The following ZSWIM5 variants were observed in gnomAD, a reference collection of about 807,000 sequenced individuals.
ZSWIM5 encodes the protein zinc finger SWIM-type containing 5.
In ZSWIM5, 55 loss-of-function variants were observed where a neutral mutation model predicts 119.6. The ratio of observed to expected loss-of-function variants is 0.46; its 90% CI spans 0.37 to 0.58. ZSWIM5 has a LOEUF of 0.58. ZSWIM5 is among the 20% of genes least tolerant of loss of function. ZSWIM5 has a pLI of 0.00. For synonymous variants in ZSWIM5, 537 were observed against 606.9 expected (o/e 0.88, Z 1.69); for missense variants, 1,193 against 1,512.8 (o/e 0.79, Z 3.51).
chr1:45,083,968 G>A (rs141684842), intron 2 of ZSWIM5, among the ~76,000 whole-genome samples: 26 of 152,072 alleles, frequency 1.7e-4, no homozygotes, highest in African/African-American at 5.1e-4. Flanking sequence ...GGAGTGCAGC[G>A]GTGCAATTTT....
At chr1:45,056,179 G>A (rs763846078) in intron 4 of ZSWIM5, among the ~76,000 whole-genome samples, 48 of 152,220 alleles carry the variant, frequency 3.2e-4, no homozygotes, top group African/African-American at 1.1e-3. Flanking sequence ...CAAATGGAAA[G>A]AGTGACCACA....
chr1:45,093,324 A>T (rs1377147112), intron 1 of ZSWIM5, among the ~76,000 whole-genome samples: 1 of 152,250 alleles, frequency 6.6e-6, no homozygotes, highest in Non-Finnish European at 1.5e-5. Flanking sequence ...TGAAACCTCT[A>T]GGTTAATCTA....
At chr1:45,099,594 A>C (rs561301112) in intron 1 of ZSWIM5, among the ~76,000 whole-genome samples, 1 of 152,270 alleles carries the variant, frequency 6.6e-6, no homozygotes, top group Non-Finnish European at 1.5e-5. Context: ...GAGACACACA[A>C]AAAAAGAGAA....
chr1:45,130,739 G>A (rs1300234090), intron 1 of ZSWIM5, among the ~76,000 whole-genome samples: 2 of 152,068 alleles, frequency 1.3e-5, no homozygotes, highest in African/African-American at 4.8e-5. Flanking sequence ...TGCACTCCTG[G>A]GCATTCAGGA....
At chr1:45,129,901 A>ATT (rs988429826) in intron 1 of ZSWIM5, among the ~76,000 whole-genome samples, 1 of 146,678 alleles carries the variant, frequency 6.8e-6, no homozygotes, top group African/African-American at 2.5e-5. Context: ...ATAAAAGGAA[A>ATT]TTTTTTTTTT....
chr1:45,018,583 G>A lies in ZSWIM5; in HGVS notation c.3429C>T (p.Ser1143=). ...RHYGEFIEFL[S]KARETFLLPQ... Reference sequence around the variant, plus strand: ...GCAGCAGGAAGGTCTCCCGAGCCTTGCTTAGAAACTCAATGAACTCTCCAT... The same window carrying A: ...GCAGCAGGAAGGTCTCCCGAGCCTTACTTAGAAACTCAATGAACTCTCCAT... Residue 1143 remains serine (S), a synonymous_variant, in exon 14 of 14, where the codon AGC becomes AGT. Transcript: ENST00000359600. This position sits in a 1 kb window ranked among gnomAD's most constrained non-coding sequence, Gnocchi z 6.7. The A allele has an allele frequency of 6.2e-7, 1 of 1,614,228 alleles. No homozygotes were observed. Among genetic ancestry groups the A allele is most frequent in the Non-Finnish European group, 8.5e-7 (1 of 1,180,034 alleles).
intron 1 of ZSWIM5, among the ~76,000 whole-genome samples, chr1:45,118,737 CA>C (rs60441320): frequency 0.22 from 20,426 of 94,874 alleles, 1,069 homozygotes; most frequent in African/African-American, 0.24. Context: ...GAACCTGTCT[CA>C]AAAAAAAAAA....
intron 1 of ZSWIM5, among the ~76,000 whole-genome samples, chr1:45,162,781 C>T (rs1013833762): frequency 2.0e-5 from 3 of 152,212 alleles, no homozygotes; most frequent in Non-Finnish European, 2.9e-5. Context: ...GAGGGGCACC[C>T]GCCATTGCTG....
At chr1:45,102,189 C>T (rs976423406) in intron 1 of ZSWIM5, among the ~76,000 whole-genome samples, 4 of 152,132 alleles carry the variant, frequency 2.6e-5, no homozygotes, top group African/African-American at 9.7e-5. Flanking sequence ...GTTCAAACTT[C>T]TTACAATATG....
intron 2 of ZSWIM5, among the ~76,000 whole-genome samples, chr1:45,060,673 G>A (rs1645147619): frequency 6.6e-6 from 1 of 152,094 alleles, no homozygotes; most frequent in Admixed American, 6.5e-5. Context: ...AACATGAAAA[G>A]TTCTTTTTGT....
intron 1 of ZSWIM5, among the ~76,000 whole-genome samples, chr1:45,146,503 A>C (rs1019665537): frequency 5.4e-5 from 7 of 129,934 alleles, no homozygotes; most frequent in Non-Finnish European, 1.1e-4. Flanking sequence ...GCAGTGGTGC[A>C]ATCTTGGCTC....
chr1:45,200,540 A>C (rs1325492897), intron 1 of ZSWIM5, among the ~76,000 whole-genome samples: 2 of 152,132 alleles, frequency 1.3e-5, no homozygotes, highest in African/African-American at 2.4e-5. Context: ...AAGGTTATCC[A>C]TTTCTAAAGC....
rs760357379 is a variant in ZSWIM5, at chr1:45,019,309, C to A, written c.2703G>T (p.Arg901=). The A allele has an allele frequency of 6.2e-7, 1 of 1,608,958 alleles. No homozygotes were observed. The highest frequency in any genetic ancestry group is 8.5e-7 in the Non-Finnish European group (1 of 1,178,724). The part of the protein sequence containing the change: ...LVTCATEVGV[R]ALVSILQSWY... ...AGCTCTGCAAGATGCTCACCAGGGC[C>A]CGCACACCTGTCAGGGGGAGCCTGA... is the stretch of plus-strand genomic sequence containing the variant. The change falls in exon 14 of 14, where the codon CGG becomes CGT. Residue 901 remains arginine (R), a synonymous_variant. Transcript: ENST00000359600. The surrounding 1 kb of genome is among the most constrained non-coding windows in gnomAD (Gnocchi z 5.0).
At position 45,190,281 on chromosome 1, in the gene ZSWIM5, T is replaced by C. The variant is rs1468172579; in HGVS notation, c.595+15475A>G. Among the ~76,000 whole-genome samples, 4 of 152,058 alleles carry C rather than the reference T, an allele frequency of 2.6e-5. No homozygotes were observed. The East Asian group carries it at 5.8e-4, about 22-fold the overall frequency. ...TGGAGATTGCAGTGAGCTGAGATCA[T>C]ACCACTGTATTCCAGCCTGGGTGAC... is the stretch of plus-strand genomic sequence containing the variant. On this transcript the variant is annotated intron_variant, in intron 1 of 13. Coordinates refer to ENST00000359600, the MANE Select transcript of ZSWIM5 (RefSeq NM_020883.2).
intron 1 of ZSWIM5, among the ~76,000 whole-genome samples, chr1:45,127,123 G>A (rs1455089283): frequency 3.3e-5 from 5 of 152,022 alleles, no homozygotes; most frequent in African/African-American, 7.2e-5. Context: ...AACAAAACAT[G>A]AGCACTCAGA....
At chr1:45,160,976 C>A (rs2149041375) in intron 1 of ZSWIM5, among the ~76,000 whole-genome samples, 1 of 129,792 alleles carries the variant, frequency 7.7e-6, no homozygotes, top group Middle Eastern at 3.8e-3. Context: ...CGCCTGCCAC[C>A]ATGCCCGGCT....
chr1:45,158,233 C>T (rs977311516), intron 1 of ZSWIM5, among the ~76,000 whole-genome samples: 1 of 152,076 alleles, frequency 6.6e-6, no homozygotes, highest in African/African-American at 2.4e-5. Context: ...GGCATGATCT[C>T]GGCTTGCTCA....
intron 2 of ZSWIM5, among the ~76,000 whole-genome samples, chr1:45,082,198 G>A (rs1005117762): frequency 6.6e-6 from 1 of 151,392 alleles, no homozygotes; most frequent in Non-Finnish European, 1.5e-5. Flanking sequence ...GCGGAAGGCC[G>A]CAGGGTCCTC....
intron 1 of ZSWIM5, among the ~76,000 whole-genome samples, chr1:45,181,735 T>G (rs1184166344): frequency 1.3e-5 from 2 of 152,152 alleles, no homozygotes; most frequent in African/African-American, 4.8e-5. Flanking sequence ...CTGATTTCTC[T>G]GCAGAAACTC....
Sources: allele counts gnomAD v4.1 joint callset (sites outside exome capture counted in the v4.1 genomes callset), GRCh38; gene constraint gnomAD v4.1.1; non-coding constraint Gnocchi (gnomAD v3.1); transcripts MANE v1.5; gene names NCBI Gene and HGNC (gene_info 2026-07-23, HGNC 2026-07-21).